Variants in GRID2 observed in about 807,000 individuals in gnomAD.
GRID2 encodes the protein glutamate receptor ionotropic, delta-2.
GRID2 carries 33 observed loss-of-function variants against 114.8 expected under a neutral mutation model. The ratio of observed to expected loss-of-function variants is 0.29; its 90% CI spans 0.22 to 0.38. GRID2 has a LOEUF of 0.38. Ranked by LOEUF, GRID2 falls within the 10% of genes least tolerant of loss-of-function variation. The pLI is 1.00. For missense variants in GRID2, 1,184 were observed against 1,257.7 expected (o/e 0.94, Z 0.89); for synonymous variants, 505 against 449.9 (o/e 1.12, Z -1.55).
intron 1 of GRID2, among the ~76,000 whole-genome samples, chr4:92,356,556 G>C (rs1025895916): frequency 1.7e-4 from 25 of 151,322 alleles, no homozygotes; most frequent in African/African-American, 5.8e-4. Context: ...TTTATATGTA[G>C]ATAAATACTC....
At chr4:92,884,962 CAA>C in intron 2 of GRID2, 1 of 309,448 alleles carries the variant, frequency 3.2e-6, no homozygotes, top group Admixed American at 4.2e-5. Flanking sequence ...ATCTAAAAGG[CAA>C]AGTGTTTTAA....
Position 93,566,461 on chromosome 4 carries a change from CTT to C in GRID2, c.2193+51053_2193+51054del, listed in dbSNP as rs1735428354. Among the ~76,000 whole-genome samples the C allele has an allele frequency of 2.0e-5, 3 of 152,118 alleles. 1 individual carries two copies. The South Asian group carries it at 6.2e-4, about 31-fold the overall frequency. On this transcript the variant is annotated intron_variant, in intron 13 of 15. Transcript: ENST00000282020. Reference sequence around the variant, plus strand: ...GGTCATGATTATATGATTATATACACTTTTCAAAACTCATCAAGTTGAGGCTG... The same window carrying C: ...GGTCATGATTATATGATTATATACACTTCAAAACTCATCAAGTTGAGGCTG...
intron 8 of GRID2, among the ~76,000 whole-genome samples, chr4:93,297,849 A>G (rs1433650): frequency 0.054 from 8,240 of 152,262 alleles, 746 homozygotes; most frequent in African/African-American, 0.19. Context: ...TTATTTAAGA[A>G]CCCCTTAAAA....
chr4:92,774,577 CTTTTTTT>C (rs1166044188), intron 2 of GRID2, among the ~76,000 whole-genome samples: 1 of 106,370 alleles, frequency 9.4e-6, no homozygotes, highest in Non-Finnish European at 1.8e-5. Flanking sequence ...TTTTTCTTTC[CTTTTTTT>C]TTTTTTTTTT....
intron 14 of GRID2, among the ~76,000 whole-genome samples, chr4:93,665,830 T>G (rs919473520): frequency 1.3e-5 from 2 of 152,144 alleles, no homozygotes; most frequent in Non-Finnish European, 2.9e-5. Context: ...GACATGTCAC[T>G]GTGTGTTTTA....
chr4:92,383,944 C>G (rs1729739841), intron 1 of GRID2, among the ~76,000 whole-genome samples: 2 of 151,884 alleles, frequency 1.3e-5, no homozygotes, highest in Non-Finnish European at 2.9e-5. Flanking sequence ...ATTCTTGTCT[C>G]TTAATGGTAT....
rs185073632 is a variant in GRID2, at chr4:93,595,401, C to A, written c.2194-30868C>A. Among the ~76,000 whole-genome samples, 15 of 152,226 alleles carry A rather than the reference C, an allele frequency of 9.9e-5. No homozygotes were observed. The East Asian group carries it at 2.9e-3, about 29-fold the overall frequency. On this transcript the variant is annotated intron_variant, in intron 13 of 15. Transcript: ENST00000282020. ...TGATATCTGTTATTAGGAGCCAAACCCAGCCCTGTATTTACTTGCTGTGGG... is the reference window on the plus strand; with the variant it reads ...TGATATCTGTTATTAGGAGCCAAACACAGCCCTGTATTTACTTGCTGTGGG...
chr4:93,482,264 T>A lies in GRID2; in HGVS notation c.1859-8375T>A, dbSNP rs142476101. ...ATGGTTATCGCAGCACTATTCACAA[T>A]AGCAAAGACTTGAAACCAACCCAAA... On this transcript the variant is annotated intron_variant, in intron 11 of 15. Coordinates refer to ENST00000282020, the MANE Select transcript of GRID2 (RefSeq NM_001510.4). Among the ~76,000 whole-genome samples, 57 of 152,140 alleles carry A rather than the reference T, an allele frequency of 3.7e-4. 2 individuals are homozygous for A. The highest frequency in any genetic ancestry group is 1.3e-3 in the African/African-American group (54 of 41,540).
intron 1 of GRID2, among the ~76,000 whole-genome samples, chr4:93,801,271 T>G (rs1023799410): frequency 4.6e-5 from 7 of 152,110 alleles, no homozygotes; most frequent in African/African-American, 1.7e-4. Flanking sequence ...AAAAGGTGTA[T>G]TTTAGAGACC....
intron 14 of GRID2, among the ~76,000 whole-genome samples, chr4:93,730,941 T>C (rs1322166934): frequency 6.6e-6 from 1 of 152,182 alleles, no homozygotes; most frequent in Non-Finnish European, 1.5e-5. Flanking sequence ...CTTTAGAAAC[T>C]GTGCCGCGCT....
chr4:92,668,565 G>A (rs374727269), intron 2 of GRID2, among the ~76,000 whole-genome samples: 44 of 151,822 alleles, frequency 2.9e-4, no homozygotes, highest in African/African-American at 8.9e-4. Flanking sequence ...ACTTGTGTGA[G>A]CCAACTAGGT....
At chr4:92,546,573 C>A (rs1236898496) in intron 1 of GRID2, among the ~76,000 whole-genome samples, 2 of 152,118 alleles carry the variant, frequency 1.3e-5, no homozygotes, top group Admixed American at 1.3e-4. Flanking sequence ...TGTGCATGCA[C>A]CTGCACGTGC....
intron 11 of GRID2, among the ~76,000 whole-genome samples, chr4:93,469,340 C>A (rs951210289): frequency 2.0e-5 from 3 of 151,966 alleles, no homozygotes; most frequent in Admixed American, 6.6e-5. Flanking sequence ...GTAAAAAATT[C>A]TTTGCTACAT....
rs543206675 is a variant in GRID2, at chr4:92,954,234, CAT to C, written c.245-130751_245-130750del. The stretch of plus-strand genomic sequence containing the variant: ...GTATACACACAAACATATACACACA[CAT>C]ATATATATACAAACACATACACACA... On this transcript the variant is annotated intron_variant, in intron 2 of 15. Coordinates refer to ENST00000282020, the MANE Select transcript of GRID2 (RefSeq NM_001510.4). 3.0e-3 allele frequency among the ~76,000 whole-genome samples: 461 copies of C among 151,728 alleles called. 2 individuals carry two copies. Among genetic ancestry groups the C allele is most frequent in the African/African-American group, 0.011 (446 of 41,314 alleles).
intron 8 of GRID2, among the ~76,000 whole-genome samples, chr4:93,288,346 C>T (rs17020326): frequency 0.046 from 7,002 of 152,200 alleles, 188 homozygotes; most frequent in African/African-American, 0.065. Context: ...TGAGCCAAAT[C>T]CAAATAGAGC....
At chr4:93,740,194 G>T (rs1177230357) in intron 14 of GRID2, among the ~76,000 whole-genome samples, 1 of 152,138 alleles carries the variant, frequency 6.6e-6, no homozygotes, top group Non-Finnish European at 1.5e-5. Context: ...GTGTAGCCTA[G>T]GAGCAATAGG....
intron 14 of GRID2, among the ~76,000 whole-genome samples, chr4:93,709,900 G>A (rs1407531500): frequency 6.6e-6 from 1 of 152,056 alleles, no homozygotes; most frequent in Admixed American, 6.6e-5. Context: ...TTTAGCACCA[G>A]AATTCATTAA....
At chr4:93,677,957 G>GT (rs1431449210) in intron 14 of GRID2, among the ~76,000 whole-genome samples, 11 of 121,976 alleles carry the variant, frequency 9.0e-5, no homozygotes, top group Non-Finnish European at 1.7e-4. Context: ...TTGAGAGAAG[G>GT]CTTCAGACGA....
intron 14 of GRID2, among the ~76,000 whole-genome samples, chr4:93,720,897 G>A (rs985299838): frequency 6.6e-6 from 1 of 152,142 alleles, no homozygotes; most frequent in Non-Finnish European, 1.5e-5. Context: ...CATATTCGTT[G>A]TTGTTGTTGT....
Sources: gnomAD v4.1 joint callset for allele counts (sites outside exome capture counted in the v4.1 genomes callset) on GRCh38, gnomAD v4.1.1 for gene constraint, MANE v1.5 for transcripts, NCBI Gene and HGNC (gene_info 2026-07-23, HGNC 2026-07-21) for gene names.